TTLL4: variants seen among roughly 807,000 people sequenced by gnomAD.
TTLL4 encodes the protein tubulin tyrosine ligase like 4.
In TTLL4, 85 loss-of-function variants were observed where a neutral mutation model predicts 122.7. The ratio of observed to expected loss-of-function variants is 0.69; its 90% CI spans 0.58 to 0.83. The LOEUF (loss-of-function observed/expected upper bound fraction) is 0.83. Among genes scored for constraint, TTLL4 ranks in the 40% least tolerant of loss-of-function variants. The pLI, the probability that TTLL4 is intolerant of heterozygous loss-of-function variation, is 0.00. For synonymous variants in TTLL4, 553 were observed against 563.0 expected, an observed-to-expected ratio of 0.98 and a Z score of 0.25; for missense variants, 1,363 against 1,488.6, an observed-to-expected ratio of 0.92 and a Z score of 1.39.
chr2:218,757,758 C>A (rs1943180020), downstream of TTLL4, among the ~76,000 whole-genome samples: 1 of 152,184 alleles, frequency 6.6e-6, no homozygotes, highest in African/African-American at 2.4e-5. Flanking sequence ...GTGAAGGAGA[C>A]TGATCATCTG....
chr2:218,748,338 G>A, intron 12 of TTLL4, 111 bp downstream of exon 12: 1 of 1,461,720 alleles, frequency 6.8e-7, no homozygotes, highest in Non-Finnish European at 9.1e-7. Context: ...AAGACCCAGA[G>A]ATAACACTTA....
At chr2:218,746,035 T>A in intron 7 of TTLL4, 120 bp from the exon 8 acceptor site, 1 of 1,192,428 alleles carries the variant, frequency 8.4e-7, no homozygotes, top group Non-Finnish European at 1.2e-6. Context: ...GTAGGACAGC[T>A]CCATAGCAAC....
downstream of TTLL4, among the ~76,000 whole-genome samples, chr2:218,758,752 G>A (rs1273612269): frequency 6.6e-6 from 1 of 152,218 alleles, no homozygotes; most frequent in African/African-American, 2.4e-5. Flanking sequence ...GCAAAATGAT[G>A]CACTGGAAAG....
At chr2:218,729,776 A>AAAAAAAC in intron 2 of TTLL4, among the ~76,000 whole-genome samples, 1 of 151,016 alleles carries the variant, frequency 6.6e-6, no homozygotes, top group African/African-American at 2.4e-5. Context: ...AAAAAAAAAA[A>AAAAAAAC]ACAGGATCTT....
rs1942890586 is a variant in TTLL4, at chr2:218,747,827, A to G, written c.2378+102A>G. On this transcript the variant is annotated intron_variant, in intron 11 of 19. Transcript: ENST00000392102. The surrounding 1 kb of genome is among the most constrained non-coding windows in gnomAD (Gnocchi z 4.7). Reference sequence around the variant, plus strand: ...ACCAAACAGAAAAATAGTTTTTGTTAGCAAGGGGAAAGGCAGGAAATGGGA... The same window carrying G: ...ACCAAACAGAAAAATAGTTTTTGTTGGCAAGGGGAAAGGCAGGAAATGGGA... 1 of 1,507,896 alleles carries G rather than the reference A, an allele frequency of 6.6e-7. No individual in the cohort carries two copies. The highest frequency in any genetic ancestry group is 9.0e-7 in the Non-Finnish European group (1 of 1,111,960). 93.4% of individuals were successfully genotyped at this position (1,507,896 alleles called of 1,614,324 possible). A position where few individuals can be genotyped will look rare whatever the true frequency, so the allele number is the denominator to read the frequency against.
intron 5 of TTLL4, among the ~76,000 whole-genome samples, chr2:218,744,043 T>C (rs1362181411): frequency 6.6e-6 from 1 of 152,224 alleles, no homozygotes; most frequent in Non-Finnish European, 1.5e-5. Context: ...ATTCTCATAC[T>C]CAGTAAACCA....
At chr2:218,721,563 G>T (rs1294151697) in intron 1 of TTLL4, among the ~76,000 whole-genome samples, 1 of 152,170 alleles carries the variant, frequency 6.6e-6, no homozygotes, top group Non-Finnish European at 1.5e-5. Context: ...ATTCCTTGGT[G>T]TGTGTGCCTC....
rs770920193 is a variant in TTLL4 at position 218,738,291 on chromosome 2, C to G, written c.615C>G (p.Ile205Met). 9 of 1,614,012 alleles carry G rather than the reference C, an allele frequency of 5.6e-6. No individual in the cohort carries two copies. Among genetic ancestry groups the G allele is most frequent in the Non-Finnish European group, 6.8e-6 (8 of 1,180,056 alleles). ...TGGCCTCTGCCATCTCAGGGAAGAT[C>G]CCATCTCCACTCTCTTCCTCCTATA... ...KSLASAISGK[I>M]PSPLSSSYKP... The change falls in exon 3 of 20, where the codon ATC becomes ATG. Residue 205 changes from isoleucine (I) to methionine (M), a missense_variant. Physicochemically the swap from Ile to Met is conservative, Grantham distance 10. This residue lies in a region of TTLL4 where 760 missense variants were observed against 808.4 expected (regional missense o/e 0.94). Coordinates refer to ENST00000392102, the MANE Select transcript of TTLL4 (RefSeq NM_014640.5).
At position 218,747,446 on chromosome 2, in the gene TTLL4, C is replaced by A; in HGVS notation, c.2249+74C>A. 6.3e-7 allele frequency: 1 copy of A among 1,582,118 alleles called. No individual in the cohort carries two copies. The highest frequency in any genetic ancestry group is 1.1e-5 in the South Asian group (1 of 88,036). ...CTCGAGGTTCCCTTCTTACAATGTTCTGCCCTTTGTTCTCCCAGCCAAAGA... is the reference window on the plus strand; with the variant it reads ...CTCGAGGTTCCCTTCTTACAATGTTATGCCCTTTGTTCTCCCAGCCAAAGA... On this transcript the variant is annotated intron_variant, in intron 10 of 19. Coordinates refer to ENST00000392102, the MANE Select transcript of TTLL4 (RefSeq NM_014640.5). The surrounding 1 kb of genome is among the most constrained non-coding windows in gnomAD (Gnocchi z 4.7).
intron 2 of TTLL4, among the ~76,000 whole-genome samples, chr2:218,730,774 A>G (rs1376222234): frequency 1.3e-5 from 2 of 151,906 alleles, no homozygotes; most frequent in African/African-American, 2.4e-5. Flanking sequence ...GGCTGCTTTT[A>G]TTAACAGATA....
At chr2:218,720,418 A>G (rs1941998519) in intron 1 of TTLL4, among the ~76,000 whole-genome samples, 1 of 152,188 alleles carries the variant, frequency 6.6e-6, no homozygotes, top group Admixed American at 6.5e-5. Flanking sequence ...CCTTTTTCAT[A>G]TGAATAGGTC....
chr2:218,740,370 G>C, intron 4 of TTLL4, 151 bp from the exon 5 acceptor site: 2 of 933,346 alleles, frequency 2.1e-6, no homozygotes. Flanking sequence ...CGCTGCTTCT[G>C]TTGAGGAAGG....
intron 6 of TTLL4, chr2:218,745,467 C>A (rs1942815407): frequency 1.6e-6 from 1 of 642,106 alleles, no homozygotes. Flanking sequence ...TGCTCTTCAA[C>A]CTTGTTGCTT....
At chr2:218,742,426 C>A (rs140145820) in intron 5 of TTLL4, among the ~76,000 whole-genome samples, 5 of 152,302 alleles carry the variant, frequency 3.3e-5, no homozygotes, top group Middle Eastern at 3.4e-3. Flanking sequence ...ATTGGAAACA[C>A]TACCTGTTTC....
In TTLL4 at chr2:218,753,566, T is replaced by C; in HGVS notation, c.3259-18T>C. 2 of 1,613,844 alleles carry C rather than the reference T, an allele frequency of 1.2e-6. No individual in the cohort carries two copies. Among genetic ancestry groups the C allele is most frequent in the South Asian group, 2.2e-5 (2 of 91,080 alleles). ...CCTCCGCCAAGCCTTTTGGTCTCAT[T>C]GCTTCCTTTGCTCTTAGTGGTCTCT... On this transcript the variant is annotated intron_variant, in intron 18 of 19. Transcript: ENST00000392102.
At position 218,737,543 on chromosome 2, in the gene TTLL4, C is replaced by A. The variant is rs1942558826; in HGVS notation, c.-98-36C>A. The stretch of plus-strand genomic sequence containing the variant: ...TGTAGCATGGTGTCCGTTCTCCTGG[C>A]ACTGTAACATTTCCTATCATTTCTC... On this transcript the variant is annotated intron_variant, in intron 2 of 19. Transcript: ENST00000392102. 7.5e-6 allele frequency: 8 copies of A among 1,067,972 alleles called. No homozygotes were observed. The South Asian group carries it at 1.1e-4, about 15-fold the overall frequency. 66.2% of individuals were successfully genotyped at this position (1,067,972 alleles called of 1,614,324 possible).
chr2:218,758,238 C>G (rs1483599749), downstream of TTLL4, among the ~76,000 whole-genome samples: 1 of 152,104 alleles, frequency 6.6e-6, no homozygotes. Flanking sequence ...TTATAATAGA[C>G]TGAGATACAT....
chr2:218,740,326 C>T (rs1942664222), intron 4 of TTLL4, among the ~76,000 whole-genome samples, 159 bp downstream of exon 4: 1 of 152,140 alleles, frequency 6.6e-6, no homozygotes, highest in South Asian at 2.1e-4. Flanking sequence ...GGACTTGGGT[C>T]TCTAGTCCTC....
At position 218,748,118 on chromosome 2, in the gene TTLL4, A is replaced by G. The variant is rs749385909; in HGVS notation, c.2392A>G (p.Met798Val). The G allele has an allele frequency of 1.9e-6, 3 of 1,614,004 alleles. No homozygotes were observed. Among genetic ancestry groups the G allele is most frequent in the African/African-American group, 2.7e-5 (2 of 74,908 alleles). Residue 798 changes from methionine to valine, a missense_variant, in exon 12 of 20, where the codon ATG (methionine) becomes GTG (valine). By Grantham distance (21) the Met-to-Val change is conservative. This residue lies in a region of TTLL4 where 596 missense variants were observed against 655.8 expected (regional missense o/e 0.91). Coordinates refer to ENST00000392102, the MANE Select transcript of TTLL4 (RefSeq NM_014640.5). ...CCTTACTTCCAGGTATTCGCCTTCC[A>G]TGAAGAGCCTTGGCAATAAGTTCAT... ...RFASCKYSPS[M>V]KSLGNKFMHL...
Sources: allele counts gnomAD v4.1 joint callset (sites outside exome capture counted in the v4.1 genomes callset), GRCh38; gene constraint gnomAD v4.1.1; regional missense constraint gnomAD v4.1.1; non-coding constraint Gnocchi (gnomAD v3.1); transcripts MANE v1.5; gene names NCBI Gene and HGNC (gene_info 2026-07-23, HGNC 2026-07-21).